RALGPS1: variants seen among roughly 807,000 people sequenced by gnomAD.
The protein encoded by RALGPS1 is ras-specific guanine nucleotide-releasing factor RalGPS1.
A neutral mutation model predicts 78.8 loss-of-function variants in RALGPS1; 19 were observed. That is an observed-to-expected ratio of 0.24 (90% CI 0.17 to 0.35). RALGPS1 has a LOEUF of 0.35. RALGPS1 is among the 10% of genes least tolerant of loss of function. RALGPS1 has a pLI of 1.00. For synonymous variants in RALGPS1, 228 were observed against 256.3 expected (o/e 0.89, Z 1.06); for missense variants, 454 against 688.3 (o/e 0.66, Z 3.81).
rs374379023 is a variant in RALGPS1, at chr9:127,147,815, T to C, written c.611-18254T>C. ...CTCAGTAAATGCTAATAGACGTTAGTCACTGGTGGTGGTGTTATCATTATC... is the reference window on the plus strand; with the variant it reads ...CTCAGTAAATGCTAATAGACGTTAGCCACTGGTGGTGGTGTTATCATTATC... On this transcript the variant is annotated intron_variant, in intron 8 of 18. Coordinates refer to ENST00000259351, the MANE Select transcript of RALGPS1 (RefSeq NM_014636.3). Among the ~76,000 whole-genome samples the C allele has an allele frequency of 7.9e-5, 12 of 152,234 alleles. No homozygotes were observed. In the East Asian group the frequency reaches 2.3e-3, roughly 29 times the overall value.
chr9:126,945,663 G>A (rs574386206), intron 1 of RALGPS1, among the ~76,000 whole-genome samples: 1 of 152,232 alleles, frequency 6.6e-6, no homozygotes, highest in South Asian at 2.1e-4. Context: ...GGACCATCAG[G>A]TCCCATTGTG....
At chr9:127,029,328 C>A (rs1023420453) in intron 4 of RALGPS1, among the ~76,000 whole-genome samples, 3 of 152,192 alleles carry the variant, frequency 2.0e-5, no homozygotes, top group African/African-American at 7.2e-5. Flanking sequence ...CTTACTGGGT[C>A]ACCTATCTCC....
intron 10 of RALGPS1, among the ~76,000 whole-genome samples, chr9:127,170,815 A>G (rs1262733906): frequency 6.6e-6 from 1 of 152,210 alleles, no homozygotes; most frequent in Admixed American, 6.5e-5. Flanking sequence ...CAGTCAGCCT[A>G]GCTCTTTGTT....
chr9:127,105,459 C>T (rs2054131185), intron 8 of RALGPS1, among the ~76,000 whole-genome samples: 1 of 152,184 alleles, frequency 6.6e-6, no homozygotes, highest in African/African-American at 2.4e-5. Flanking sequence ...ATCAGGGACC[C>T]ACTAGTCACT....
intron 10 of RALGPS1, 81 bp downstream of exon 10, chr9:127,168,853 C>A: frequency 8.3e-7 from 1 of 1,207,576 alleles, no homozygotes; most frequent in Non-Finnish European, 1.2e-6. Context: ...AGTGGCCTAG[C>A]CCTTGTTGGG....
chr9:127,144,228 T>A (rs2138790003), intron 8 of RALGPS1, among the ~76,000 whole-genome samples: 1 of 152,304 alleles, frequency 6.6e-6, no homozygotes, highest in African/African-American at 2.4e-5. Context: ...ACCCATCAGG[T>A]GACCGCTGGA....
Position 126,917,336 on chromosome 9 carries a change from A to G in RALGPS1, c.-66+2361A>G, listed in dbSNP as rs1488722676. Among the ~76,000 whole-genome samples, 10 of 152,342 alleles carry G rather than the reference A, an allele frequency of 6.6e-5. No individual in the cohort carries two copies. In the South Asian group the frequency reaches 1.7e-3, roughly 25 times the overall value. Reference sequence around the variant, plus strand: ...GAAGGAAAGCTCAAACTTGGTGGCAAAGAAGACCTAGAACATGTGTTGAAT... The same window carrying G: ...GAAGGAAAGCTCAAACTTGGTGGCAGAGAAGACCTAGAACATGTGTTGAAT... On this transcript the variant is annotated intron_variant, in intron 1 of 18. Coordinates refer to ENST00000259351, the MANE Select transcript of RALGPS1 (RefSeq NM_014636.3).
Position 127,047,562 on chromosome 9 carries a change from G to A in RALGPS1, c.301-2481G>A, listed in dbSNP as rs1350769259. Reference sequence around the variant, plus strand: ...AAAAATACAAAAATTAGCCAGGTGTGGTGGTGCATGCCTGTAATCCCAGCT... The same window carrying A: ...AAAAATACAAAAATTAGCCAGGTGTAGTGGTGCATGCCTGTAATCCCAGCT... On this transcript the variant is annotated intron_variant, in intron 5 of 18. Coordinates refer to ENST00000259351, the MANE Select transcript of RALGPS1 (RefSeq NM_014636.3). Among the ~76,000 whole-genome samples the A allele has an allele frequency of 7.2e-5, 11 of 152,220 alleles. No homozygotes were observed. In the East Asian group the frequency reaches 2.1e-3, roughly 29 times the overall value.
chr9:126,977,801 T>G, intron 4 of RALGPS1, 56 bp downstream of exon 4: 2 of 1,302,620 alleles, frequency 1.5e-6, no homozygotes, highest in South Asian at 2.7e-5. Context: ...CAGCGAGGAT[T>G]TAGCCAGCCA....
rs2046956163 is a variant in RALGPS1 at position 127,037,434 on chromosome 9, G to A, written c.300+2920G>A. ...GGACAGGGCCAAATGTTTCCAACTTGTCTCATGGACACATTTTATAGTTGC... is the reference window on the plus strand; with the variant it reads ...GGACAGGGCCAAATGTTTCCAACTTATCTCATGGACACATTTTATAGTTGC... On this transcript the variant is annotated intron_variant, in intron 5 of 18. Coordinates refer to ENST00000259351, the MANE Select transcript of RALGPS1 (RefSeq NM_014636.3). Among the ~76,000 whole-genome samples, 3 of 152,214 alleles carry A rather than the reference G, an allele frequency of 2.0e-5. No individual in the cohort carries two copies. The South Asian group carries it at 6.2e-4, about 31-fold the overall frequency.
At chr9:127,171,015 G>A (rs1283559944) in intron 10 of RALGPS1, among the ~76,000 whole-genome samples, 1 of 152,232 alleles carries the variant, frequency 6.6e-6, no homozygotes, top group Non-Finnish European at 1.5e-5. Flanking sequence ...TCACCCACAA[G>A]GATGCAATGG....
intron 1 of RALGPS1, among the ~76,000 whole-genome samples, chr9:126,951,098 C>T (rs1447087086): frequency 1.3e-5 from 2 of 152,062 alleles, no homozygotes; most frequent in African/African-American, 2.4e-5. Flanking sequence ...GACACATACA[C>T]TCTCCCAAGT....
intron 8 of RALGPS1, among the ~76,000 whole-genome samples, chr9:127,116,716 C>G (rs758558737): frequency 5.9e-5 from 9 of 152,214 alleles, no homozygotes; most frequent in Non-Finnish European, 1.2e-4. Context: ...CCAGGGCCAC[C>G]TTGGCTGTTT....
intron 8 of RALGPS1, among the ~76,000 whole-genome samples, chr9:127,097,358 TCTG>T (rs2053247207): frequency 6.6e-6 from 1 of 152,268 alleles, no homozygotes; most frequent in Non-Finnish European, 1.5e-5. Context: ...TTTAGTATTT[TCTG>T]CTGTTACAAA....
At chr9:127,051,877 T>G (rs534904135) in intron 6 of RALGPS1, among the ~76,000 whole-genome samples, 2 of 152,196 alleles carry the variant, frequency 1.3e-5, no homozygotes, top group South Asian at 4.1e-4. Context: ...TGGACTTCTG[T>G]GGGGACACAG....
In RALGPS1 at chr9:127,177,966, AC is replaced by A. The variant is rs2059976937; in HGVS notation, c.910+3188del. On this transcript the variant is annotated intron_variant, in intron 11 of 18. Transcript: ENST00000259351. ...AGAGCCCTGGCAGGGGACAGAATGG[AC>A]CCCAGATGGTTCACATGAAGAGACT... 3 of 1,546,998 alleles carry A rather than the reference AC, an allele frequency of 1.9e-6. No individual in the cohort carries two copies. The East Asian group carries it at 7.3e-5, about 38-fold the overall frequency.
At chr9:127,129,309 A>T (rs2138129663) in intron 8 of RALGPS1, among the ~76,000 whole-genome samples, 1 of 152,280 alleles carries the variant, frequency 6.6e-6, no homozygotes, top group African/African-American at 2.4e-5. Context: ...GACACTTTCC[A>T]AAGCTGTTTA....
intron 8 of RALGPS1, among the ~76,000 whole-genome samples, chr9:127,107,453 A>G (rs535225309): frequency 2.0e-5 from 3 of 152,362 alleles, no homozygotes; most frequent in East Asian, 1.9e-4. Context: ...CCCAGCCCCT[A>G]CAATGTGTTT....
At chr9:127,185,714 A>G (rs751235254) in intron 11 of RALGPS1, among the ~76,000 whole-genome samples, 10 of 152,158 alleles carry the variant, frequency 6.6e-5, no homozygotes, top group Non-Finnish European at 1.5e-4. Context: ...ATTCTCATGT[A>G]AAAGTAGATG....
Sources: allele counts gnomAD v4.1 joint callset (sites outside exome capture counted in the v4.1 genomes callset), GRCh38; gene constraint gnomAD v4.1.1; transcripts MANE v1.5; gene names NCBI Gene and HGNC (gene_info 2026-07-23, HGNC 2026-07-21).